SNW1: variants seen among roughly 807,000 people sequenced by gnomAD.
The protein encoded by SNW1 is SNW domain containing 1, also known as SNW domain-containing protein 1.
A neutral mutation model predicts 75.6 loss-of-function variants in SNW1; 9 were observed. That is an observed-to-expected ratio of 0.12 (90% CI 0.07 to 0.21). The LOEUF is 0.21. SNW1 is among the 10% of genes least tolerant of loss of function. SNW1 has a pLI of 1.00. For missense variants in SNW1, 409 were observed against 670.9 expected (o/e 0.61, Z 4.31); for synonymous variants, 200 against 219.1 (o/e 0.91, Z 0.77).
Position 77,718,489 on chromosome 14 carries a change from A to G in SNW1, c.1290T>C (p.Tyr430=). ...SGFAGGEDEI[Y]NVYDQAWRGG... ...CTCTCCAGGCTTGATCATAAACATTATAAATTTCATCTTCTCCACCTGCAA... is the reference window on the plus strand; with the variant it reads ...CTCTCCAGGCTTGATCATAAACATTGTAAATTTCATCTTCTCCACCTGCAA... Residue 430 remains tyrosine (Y), a synonymous_variant, in exon 13 of 14, where the codon TAT becomes TAC. Coordinates refer to ENST00000261531, the MANE Select transcript of SNW1 (RefSeq NM_012245.3). 1 of 1,613,534 alleles carries G rather than the reference A, an allele frequency of 6.2e-7. No homozygotes were observed.
chr14:77,723,112 G>A (rs1425917404), intron 11 of SNW1, 69 bp downstream of exon 11: 4 of 1,230,462 alleles, frequency 3.3e-6, no homozygotes, highest in Non-Finnish European at 4.8e-6. Flanking sequence ...CTCCCAAAGT[G>A]CTGGGATTAC....
intron 9 of SNW1, among the ~76,000 whole-genome samples, chr14:77,732,131 C>T (rs917066737): frequency 3.3e-5 from 5 of 152,226 alleles, no homozygotes; most frequent in Non-Finnish European, 4.4e-5. Context: ...GAATGTTTAT[C>T]TGCCTTTTCC....
chr14:77,746,895 C>T (rs957720975), intron 3 of SNW1, among the ~76,000 whole-genome samples: 3 of 150,246 alleles, frequency 2.0e-5, no homozygotes, highest in Non-Finnish European at 4.4e-5. Context: ...TTATAGCTCC[C>T]CCTCCCCCTC....
At position 77,737,222 on chromosome 14, in the gene SNW1, A is replaced by C. The variant is rs2080679998; in HGVS notation, c.534-147T>G. On this transcript the variant is annotated intron_variant, in intron 5 of 13. Transcript: ENST00000261531. ...AATTAACAAAATATTTAGACAAAGCAGACAGCAAGAGGGATAAAAGAACAT... is the reference window on the plus strand; with the variant it reads ...AATTAACAAAATATTTAGACAAAGCCGACAGCAAGAGGGATAAAAGAACAT... The C allele has an allele frequency of 4.4e-5, 26 of 585,242 alleles. No individual in the cohort carries two copies. The South Asian group carries it at 5.0e-4, about 11-fold the overall frequency. 36.3% of individuals were successfully genotyped at this position (585,242 alleles called of 1,614,324 possible). A position where few individuals can be genotyped will look rare whatever the true frequency, so the allele number is the denominator to read the frequency against.
At chr14:77,737,136 C>G in intron 5 of SNW1, 61 bp from the exon 6 acceptor site, 1 of 1,188,176 alleles carries the variant, frequency 8.4e-7, no homozygotes, top group Non-Finnish European at 1.3e-6. Flanking sequence ...AGGTATTTTC[C>G]TTCTATTACA....
At position 77,724,069 on chromosome 14, in the gene SNW1, G is replaced by A. The variant is rs191518974; in HGVS notation, c.1034-792C>T. On this transcript the variant is annotated intron_variant, in intron 10 of 13. Transcript: ENST00000261531. The stretch of plus-strand genomic sequence containing the variant: ...TCAAGCATGCGGCTAAAATATTTAA[G>A]GGTAAAATGTATTGCTGTCTTCAAC... 6.6e-5 allele frequency among the ~76,000 whole-genome samples: 10 copies of A among 152,310 alleles called. No homozygotes were observed. In the East Asian group the frequency reaches 1.2e-3, roughly 18 times the overall value.
intron 3 of SNW1, among the ~76,000 whole-genome samples, chr14:77,742,495 C>T (rs1276382790): frequency 6.6e-6 from 1 of 152,140 alleles, no homozygotes; most frequent in African/African-American, 2.4e-5. Context: ...AGTAACTCAT[C>T]TGTGAAACAG....
At chr14:77,734,287 TG>T (rs1264736888) in intron 8 of SNW1, among the ~76,000 whole-genome samples, 1 of 152,262 alleles carries the variant, frequency 6.6e-6, no homozygotes, top group African/African-American at 2.4e-5. Flanking sequence ...GCATTTACTC[TG>T]TTCTTTTGTC....
intron 10 of SNW1, among the ~76,000 whole-genome samples, chr14:77,730,619 ACT>A (rs1202593279): frequency 4.6e-5 from 7 of 152,008 alleles, no homozygotes; most frequent in Non-Finnish European, 1.0e-4. Context: ...AGATAGAAAA[ACT>A]CTGGATTACT....
rs1000661908 is a variant in SNW1, at chr14:77,751,172, C to T, written c.330+147G>A. On this transcript the variant is annotated intron_variant, in intron 3 of 13. Transcript: ENST00000261531. ...AGTCAAACCTCCTACCTCTGCCTCCCAAGTAGCTGGGAATATAGGTACGAG... is the reference window on the plus strand; with the variant it reads ...AGTCAAACCTCCTACCTCTGCCTCCTAAGTAGCTGGGAATATAGGTACGAG... 5 of 745,050 alleles carry T rather than the reference C, an allele frequency of 6.7e-6. No individual in the cohort carries two copies. The African/African-American group carries it at 7.2e-5, about 11-fold the overall frequency. The allele number at this position is 745,050 out of a possible 1,614,324, so 46.2% of individuals were successfully genotyped here.
intron 10 of SNW1, among the ~76,000 whole-genome samples, chr14:77,725,301 G>A (rs572567552): frequency 4.1e-4 from 62 of 152,304 alleles, no homozygotes; most frequent in African/African-American, 1.5e-3. Context: ...TCTTCAGTCT[G>A]TTGACTGCTG....
intron 5 of SNW1, 49 bp from the exon 6 acceptor site, chr14:77,737,124 G>A: frequency 1.1e-5 from 14 of 1,320,578 alleles, no homozygotes; most frequent in Non-Finnish European, 1.5e-5. Flanking sequence ...CAAGCTTTCA[G>A]TAGGTATTTT....
chr14:77,742,738 G>A (rs183554200), intron 3 of SNW1, among the ~76,000 whole-genome samples: 44 of 151,672 alleles, frequency 2.9e-4, no homozygotes, highest in Middle Eastern at 3.4e-3. Flanking sequence ...GTAACATTTC[G>A]TTTCTTTAAG....
At chr14:77,721,888 C>T (rs991745056) in intron 11 of SNW1, among the ~76,000 whole-genome samples, 40 of 152,118 alleles carry the variant, frequency 2.6e-4, no homozygotes, top group African/African-American at 9.2e-4. Context: ...GCTGGGACTA[C>T]CGGCATGTGC....
intron 9 of SNW1, among the ~76,000 whole-genome samples, chr14:77,731,773 C>T (rs558413111): frequency 6.6e-5 from 10 of 152,274 alleles, no homozygotes; most frequent in African/African-American, 2.2e-4. Context: ...GTGTCTTACT[C>T]TGCTGCCCAG....
intron 13 of SNW1, 34 bp from the exon 14 acceptor site, chr14:77,718,320 T>G: frequency 1.2e-6 from 2 of 1,614,192 alleles, no homozygotes; most frequent in Non-Finnish European, 1.7e-6. Flanking sequence ...TGAACTACTT[T>G]GCTTTCACCA....
At position 77,734,927 on chromosome 14, in the gene SNW1, T is replaced by C. The variant is rs1566830131; in HGVS notation, c.774+20A>G. 2 of 1,555,566 alleles carry C rather than the reference T, an allele frequency of 1.3e-6. No homozygotes were observed. The highest frequency in any genetic ancestry group is 1.8e-6 in the Non-Finnish European group (2 of 1,127,464). ...TCCAGTAGGTTATACTAATAGAGAC[T>C]GATTTGACAACTTAATTACCTTTGC... is the stretch of plus-strand genomic sequence containing the variant. On this transcript the variant is annotated intron_variant, in intron 8 of 13. Transcript: ENST00000261531.
rs368176828 is a variant in SNW1 at position 77,731,147 on chromosome 14, T to C, written c.892-18A>G. 2.5e-6 allele frequency: 4 copies of C among 1,612,472 alleles called. No individual in the cohort carries two copies. In the African/African-American group the frequency reaches 5.3e-5, roughly 22 times the overall value. ...TCACGAGCCTGTTGGTAAAGTCACA[T>C]GTTAAACAGGACACTATCATGGGAT... On this transcript the variant is annotated intron_variant, in intron 9 of 13. Coordinates refer to ENST00000261531, the MANE Select transcript of SNW1 (RefSeq NM_012245.3).
intron 3 of SNW1, among the ~76,000 whole-genome samples, chr14:77,747,674 C>T (rs934523097): frequency 2.7e-5 from 4 of 150,612 alleles, no homozygotes; most frequent in African/African-American, 9.8e-5. Flanking sequence ...GGAGCGACTC[C>T]GCCCGGCAGC....
Sources: allele counts gnomAD v4.1 joint callset (sites outside exome capture counted in the v4.1 genomes callset), GRCh38; gene constraint gnomAD v4.1.1; transcripts MANE v1.5; gene names NCBI Gene and HGNC (gene_info 2026-07-23, HGNC 2026-07-21).